The following SNTG1 variants were observed in gnomAD, a reference collection of about 807,000 sequenced individuals.
SNTG1 encodes syntrophin gamma 1.
In SNTG1, 39 loss-of-function variants were observed where a neutral mutation model predicts 74.7. The ratio of observed to expected loss-of-function variants is 0.52; its 90% confidence interval spans 0.40 to 0.68. SNTG1 has a LOEUF of 0.68. Ranked by LOEUF, SNTG1 falls within the 30% of genes least tolerant of loss-of-function variation. The pLI, the probability that SNTG1 is intolerant of heterozygous loss-of-function variation, is 0.00. For missense variants in SNTG1, 685 were observed against 609.5 expected (o/e 1.12, Z -1.30); for synonymous variants, 254 against 217.1 (o/e 1.17, Z -1.49).
intron 2 of SNTG1, among the ~76,000 whole-genome samples, chr8:50,263,732 G>A (rs2130143301): frequency 6.6e-6 from 1 of 152,262 alleles, no homozygotes; most frequent in African/African-American, 2.4e-5. Context: ...TTTGAATGAA[G>A]AACTAGACAA....
At chr8:50,295,696 T>A (rs2089330601) in intron 2 of SNTG1, among the ~76,000 whole-genome samples, 1 of 152,210 alleles carries the variant, frequency 6.6e-6, no homozygotes, top group Non-Finnish European at 1.5e-5. Context: ...TTTTAGTTGT[T>A]CTTTAACTGC....
chr8:49,944,448 A>G (rs1808976434), intron 1 of SNTG1, among the ~76,000 whole-genome samples: 1 of 151,472 alleles, frequency 6.6e-6, no homozygotes, highest in East Asian at 2.0e-4. Flanking sequence ...TAAGATGGAA[A>G]TCATCATTCT....
intron 1 of SNTG1, among the ~76,000 whole-genome samples, chr8:50,170,529 A>G (rs1047314212): frequency 5.3e-5 from 8 of 152,222 alleles, no homozygotes; most frequent in South Asian, 4.1e-4. Context: ...GTAATAATAG[A>G]GTGAGGCATA....
intron 1 of SNTG1, among the ~76,000 whole-genome samples, chr8:49,967,114 T>G (rs1811213670): frequency 6.6e-6 from 1 of 152,216 alleles, no homozygotes; most frequent in South Asian, 2.1e-4. Context: ...GCGTAAGTAT[T>G]TTATCATCCT....
chr8:50,581,760 G>A (rs1230069215), intron 12 of SNTG1, among the ~76,000 whole-genome samples: 1 of 152,136 alleles, frequency 6.6e-6, no homozygotes, highest in African/African-American at 2.4e-5. Flanking sequence ...TAGAAACAAA[G>A]TTCTTTGGTT....
rs534195310 is a variant in SNTG1 at position 50,492,448 on chromosome 8, T to A, written c.364-10330T>A. Among the ~76,000 whole-genome samples the A allele has an allele frequency of 3.7e-4, 56 of 152,334 alleles. No homozygotes were observed. In the South Asian group the frequency reaches 9.5e-3, roughly 26 times the overall value. ...GATTGCTATTCTAACCGGTGTGAGATGGTATCTCAGTGTGATTTTAATTTG... is the reference window on the plus strand; with the variant it reads ...GATTGCTATTCTAACCGGTGTGAGAAGGTATCTCAGTGTGATTTTAATTTG... On this transcript the variant is annotated intron_variant, in intron 8 of 18. Transcript: ENST00000642720.
chr8:50,221,851 T>C (rs1015892233), intron 2 of SNTG1, among the ~76,000 whole-genome samples: 2 of 152,118 alleles, frequency 1.3e-5, no homozygotes, highest in Non-Finnish European at 2.9e-5. Flanking sequence ...GGAATTGCAA[T>C]AGAGACAGTG....
chr8:50,380,185 G>A (rs532749919), intron 2 of SNTG1, among the ~76,000 whole-genome samples: 1 of 152,308 alleles, frequency 6.6e-6, no homozygotes, highest in Non-Finnish European at 1.5e-5. Context: ...TGCTTAAATA[G>A]TTGACTCCAA....
intron 8 of SNTG1, among the ~76,000 whole-genome samples, chr8:50,460,643 T>C (rs2093552494): frequency 6.6e-6 from 1 of 152,214 alleles, no homozygotes; most frequent in Non-Finnish European, 1.5e-5. Flanking sequence ...CTTTGATACA[T>C]CTTGAGTTAA....
chr8:50,635,049 A>G (rs1429027585), intron 13 of SNTG1, among the ~76,000 whole-genome samples: 1 of 152,074 alleles, frequency 6.6e-6, no homozygotes, highest in Non-Finnish European at 1.5e-5. Context: ...AATACATTCA[A>G]CCTTTCAAAG....
At chr8:50,463,812 T>G (rs976629503) in intron 8 of SNTG1, among the ~76,000 whole-genome samples, 3 of 152,196 alleles carry the variant, frequency 2.0e-5, no homozygotes, top group African/African-American at 4.8e-5. Context: ...AAACAGACAT[T>G]GACTTCTCCT....
At chr8:50,440,304 T>C (rs1258020183) in intron 5 of SNTG1, among the ~76,000 whole-genome samples, 1 of 151,912 alleles carries the variant, frequency 6.6e-6, no homozygotes, top group Non-Finnish European at 1.5e-5. Context: ...CTAAAGAAAT[T>C]CCTTTTATGG....
At chr8:50,167,006 G>A (rs2131625967) in intron 1 of SNTG1, among the ~76,000 whole-genome samples, 1 of 142,804 alleles carries the variant, frequency 7.0e-6, no homozygotes, top group Non-Finnish European at 1.5e-5. Flanking sequence ...ATCATTCTCA[G>A]TAAACTATCG....
chr8:50,002,209 C>T (rs1299638473), intron 1 of SNTG1, among the ~76,000 whole-genome samples: 1 of 152,078 alleles, frequency 6.6e-6, no homozygotes, highest in Non-Finnish European at 1.5e-5. Flanking sequence ...TTTTAAAAGG[C>T]CCAACTCCAA....
At chr8:50,734,935 A>C (rs1298076687) in intron 17 of SNTG1, among the ~76,000 whole-genome samples, 1 of 142,298 alleles carries the variant, frequency 7.0e-6, no homozygotes, top group African/African-American at 2.5e-5. Flanking sequence ...ATACATATAT[A>C]GATATATATG....
chr8:50,324,754 T>G (rs1378557057), intron 2 of SNTG1, among the ~76,000 whole-genome samples: 1 of 152,140 alleles, frequency 6.6e-6, no homozygotes, highest in East Asian at 1.9e-4. Context: ...TTAATTTTGC[T>G]GAACTCTAGC....
chr8:50,788,889 C>G (rs2095683498), intron 18 of SNTG1, among the ~76,000 whole-genome samples: 5 of 151,902 alleles, frequency 3.3e-5, no homozygotes, highest in Admixed American at 2.6e-4. Context: ...CATGTCCAGC[C>G]TCTCCATTTT....
intron 1 of SNTG1, among the ~76,000 whole-genome samples, chr8:49,930,170 C>T (rs987538584): frequency 6.6e-6 from 1 of 151,818 alleles, no homozygotes; most frequent in Admixed American, 6.6e-5. Context: ...CTCCCATGAA[C>T]TTTATAAGGT....
intron 2 of SNTG1, among the ~76,000 whole-genome samples, chr8:50,320,514 ATTC>A (rs1022190372): frequency 1.4e-5 from 2 of 146,466 alleles, no homozygotes; most frequent in African/African-American, 4.9e-5. Flanking sequence ...ATTTCATTTA[ATTC>A]TTCTCTGATC....
Sources: allele counts gnomAD v4.1 joint callset (sites outside exome capture counted in the v4.1 genomes callset), GRCh38; gene constraint gnomAD v4.1.1; transcripts MANE v1.5; gene names NCBI Gene and HGNC (gene_info 2026-07-23, HGNC 2026-07-21).